The following SGCZ variants were observed in gnomAD, a reference collection of about 807,000 sequenced individuals.
SGCZ encodes the protein sarcoglycan zeta, also known as zeta-sarcoglycan.
SGCZ carries 40 observed loss-of-function variants against 41.3 expected under a neutral mutation model. The ratio of observed to expected loss-of-function variants is 0.97; its 90% CI spans 0.75 to 1.26. The LOEUF is 1.26. Ranked by LOEUF, SGCZ falls within the 50% of genes most tolerant of loss-of-function variation. The pLI is 0.00. For missense variants in SGCZ, 552 were observed against 369.8 expected (o/e 1.49, Z -4.04); for synonymous variants, 206 against 137.5 (o/e 1.50, Z -3.49).
intron 2 of SGCZ, among the ~76,000 whole-genome samples, chr8:14,449,228 A>G (rs773885123): frequency 6.6e-6 from 1 of 152,220 alleles, no homozygotes; most frequent in African/African-American, 2.4e-5. Flanking sequence ...ATGTTATGCT[A>G]TAGTAATGAA....
intron 1 of SGCZ, among the ~76,000 whole-genome samples, chr8:15,181,257 A>G (rs1228309469): frequency 2.0e-5 from 3 of 152,146 alleles, no homozygotes; most frequent in Non-Finnish European, 2.9e-5. Context: ...AAATTAGAAT[A>G]AAGATTTATT....
At chr8:15,007,102 C>T (rs1323898140) in intron 1 of SGCZ, among the ~76,000 whole-genome samples, 1 of 152,102 alleles carries the variant, frequency 6.6e-6, no homozygotes, top group African/African-American at 2.4e-5. Flanking sequence ...GAAAACATTC[C>T]AGCCTATGAC....
intron 1 of SGCZ, among the ~76,000 whole-genome samples, chr8:15,117,246 C>A (rs1164167844): frequency 6.6e-6 from 1 of 151,948 alleles, no homozygotes; most frequent in Non-Finnish European, 1.5e-5. Context: ...GTAGTCCCAG[C>A]TACTCAGGGA....
chr8:14,758,774 C>T (rs1585236562), intron 1 of SGCZ, among the ~76,000 whole-genome samples: 1 of 152,144 alleles, frequency 6.6e-6, no homozygotes, highest in South Asian at 2.1e-4. Context: ...TTTGGGAGGC[C>T]GAGGCGGGTG....
chr8:15,237,483 GACC>G, intron 1 of SGCZ, 99 bp downstream of exon 1: 1 of 1,390,294 alleles, frequency 7.2e-7, no homozygotes, highest in Non-Finnish European at 9.9e-7. Flanking sequence ...CGTCCCGCGG[GACC>G]ACCAACTACT....
intron 1 of SGCZ, among the ~76,000 whole-genome samples, chr8:15,200,925 C>G (rs1800870346): frequency 6.6e-6 from 1 of 152,152 alleles, no homozygotes; most frequent in African/African-American, 2.4e-5. Flanking sequence ...TTCTGTTGGT[C>G]TCTAAATATT....
At chr8:14,809,984 G>C (rs1013398560) in intron 1 of SGCZ, among the ~76,000 whole-genome samples, 3 of 152,024 alleles carry the variant, frequency 2.0e-5, no homozygotes, top group African/African-American at 7.2e-5. Flanking sequence ...AGAAACTCAA[G>C]CTGGCATATA....
chr8:14,165,562 A>ATTTC (rs1804182312), intron 4 of SGCZ, among the ~76,000 whole-genome samples: 2 of 152,062 alleles, frequency 1.3e-5, no homozygotes, highest in African/African-American at 4.8e-5. Flanking sequence ...TTATGTCCAA[A>ATTTC]TTTCTTTGGA....
rs1009655667 is a variant in SGCZ at position 14,709,655 on chromosome 8, C to A, written c.40-154729G>T. On this transcript the variant is annotated intron_variant, in intron 1 of 7. Coordinates refer to ENST00000382080, the MANE Select transcript of SGCZ (RefSeq NM_139167.4). ...TTCAAAATAATACAGCAAATAATTT[C>A]ATTAATCGAGGCCCAAATTTGCAAA... is the stretch of plus-strand genomic sequence containing the variant. Among the ~76,000 whole-genome samples the A allele has an allele frequency of 2.0e-5, 3 of 151,480 alleles. No homozygotes were observed. The South Asian group carries it at 6.3e-4, about 32-fold the overall frequency.
Position 14,888,583 on chromosome 8 carries a change from T to G in SGCZ, c.40-333657A>C, listed in dbSNP as rs192939095. ...GTATTCTTGAAAGACATTGAAAGTT[T>G]ATAAGAAAAATCCTTAGAAATCATT... On this transcript the variant is annotated intron_variant, in intron 1 of 7. Coordinates refer to ENST00000382080, the MANE Select transcript of SGCZ (RefSeq NM_139167.4). 3.4e-3 allele frequency among the ~76,000 whole-genome samples: 520 copies of G among 152,290 alleles called. 13 individuals are homozygous for G. The highest frequency in any genetic ancestry group is 0.031 in the Admixed American group (479 of 15,282).
intron 1 of SGCZ, among the ~76,000 whole-genome samples, chr8:14,586,012 C>T (rs1238836032): frequency 6.6e-6 from 1 of 152,068 alleles, no homozygotes; most frequent in African/African-American, 2.4e-5. Flanking sequence ...TGGGGGCAAT[C>T]ATGTACAGAT....
chr8:14,112,627 G>C (rs980761429), intron 5 of SGCZ, among the ~76,000 whole-genome samples: 2 of 152,020 alleles, frequency 1.3e-5, no homozygotes, highest in Non-Finnish European at 2.9e-5. Context: ...TCTAGATTAA[G>C]CTGGGAATAG....
chr8:15,126,007 G>T (rs966033250), intron 1 of SGCZ, among the ~76,000 whole-genome samples: 3 of 152,102 alleles, frequency 2.0e-5, no homozygotes, highest in Non-Finnish European at 4.4e-5. Flanking sequence ...TTAGCCGGGC[G>T]TGCTAGTGCG....
chr8:14,479,004 T>C (rs1801444244), intron 2 of SGCZ, among the ~76,000 whole-genome samples: 1 of 152,202 alleles, frequency 6.6e-6, no homozygotes, highest in African/African-American at 2.4e-5. Flanking sequence ...GACTAGGTCC[T>C]GTCTCCTGTT....
At chr8:14,986,018 C>A (rs1315896562) in intron 1 of SGCZ, among the ~76,000 whole-genome samples, 1 of 151,918 alleles carries the variant, frequency 6.6e-6, no homozygotes. Context: ...GCAATATGTA[C>A]AAGTATGGAA....
rs574314932 is a variant in SGCZ, at chr8:14,874,988, C to T, written c.40-320062G>A. On this transcript the variant is annotated intron_variant, in intron 1 of 7. Transcript: ENST00000382080. The stretch of plus-strand genomic sequence containing the variant: ...CAGGTGCATCAGCTCTTAAAAAGGA[C>T]TCAGATCTTCCTGGAGAAATTTCAA... 2.0e-5 allele frequency among the ~76,000 whole-genome samples: 3 copies of T among 152,274 alleles called. No homozygotes were observed. In the South Asian group the frequency reaches 6.2e-4, roughly 32 times the overall value.
At position 15,184,877 on chromosome 8, in the gene SGCZ, T is replaced by C. The variant is rs1045784671; in HGVS notation, c.39+52708A>G. On this transcript the variant is annotated intron_variant, in intron 1 of 7. Transcript: ENST00000382080. ...CATTCATCACGCGTTCCCTTTGTAT[T>C]CACTTTATTAAATTCCCACCAAAAT... 5.9e-5 allele frequency among the ~76,000 whole-genome samples: 9 copies of C among 152,286 alleles called. No homozygotes were observed. In the South Asian group the frequency reaches 6.2e-4, roughly 11 times the overall value.
chr8:14,298,268 A>T (rs1043070674), intron 3 of SGCZ, among the ~76,000 whole-genome samples: 4 of 152,040 alleles, frequency 2.6e-5, no homozygotes, highest in Non-Finnish European at 4.4e-5. Context: ...TGAATAGAAA[A>T]GACTAAAATT....
chr8:14,433,946 A>T (rs1200444311), intron 2 of SGCZ, among the ~76,000 whole-genome samples: 1 of 151,476 alleles, frequency 6.6e-6, no homozygotes, highest in Admixed American at 6.6e-5. Flanking sequence ...GAATTACTAT[A>T]TTTTACCATG....
Sources: allele counts gnomAD v4.1 joint callset (sites outside exome capture counted in the v4.1 genomes callset), GRCh38; gene constraint gnomAD v4.1.1; transcripts MANE v1.5; gene names NCBI Gene and HGNC (gene_info 2026-07-23, HGNC 2026-07-21).